ALDH1L1: variants seen among roughly 807,000 people sequenced by gnomAD.
The protein encoded by ALDH1L1 is aldehyde dehydrogenase 1 family member L1.
ALDH1L1 carries 68 observed loss-of-function variants against 101.1 expected under a neutral mutation model. That is an observed-to-expected ratio of 0.67 (90% confidence interval 0.55 to 0.82). The LOEUF (loss-of-function observed/expected upper bound fraction) is 0.82. Ranked by LOEUF, ALDH1L1 falls within the 40% of genes least tolerant of loss-of-function variation. The pLI is 0.00. For missense variants in ALDH1L1, 1,087 were observed against 1,172.7 expected (o/e 0.93, Z 1.07); for synonymous variants, 486 against 470.8 (o/e 1.03, Z -0.42).
chr3:126,118,549 C>T (rs998488898), intron 16 of ALDH1L1, among the ~76,000 whole-genome samples: 4 of 152,102 alleles, frequency 2.6e-5, no homozygotes, highest in African/African-American at 7.2e-5. Flanking sequence ...CTTCCAGCCT[C>T]CAGAACTGAG....
chr3:126,195,886 C>T (rs572190680), intron 1 of ALDH1L1, among the ~76,000 whole-genome samples: 1 of 152,246 alleles, frequency 6.6e-6, no homozygotes, highest in South Asian at 2.1e-4. Context: ...ACCGCACGTT[C>T]TCACTCATAG....
upstream of ALDH1L1, chr3:126,181,192 C>G (rs1203682685): frequency 1.6e-6 from 1 of 620,022 alleles, no homozygotes; most frequent in African/African-American, 1.8e-5. Context: ...GCAGACCCCT[C>G]CTCCTGGTTC....
intron 19 of ALDH1L1, among the ~76,000 whole-genome samples, chr3:126,111,974 A>C (rs759437221): frequency 5.9e-5 from 9 of 152,152 alleles, no homozygotes; most frequent in Non-Finnish European, 1.2e-4. Context: ...GGAAGGAGTC[A>C]TGTCCCACTC....
intron 1 of ALDH1L1, among the ~76,000 whole-genome samples, chr3:126,190,766 G>A (rs1404090425): frequency 1.3e-5 from 2 of 152,174 alleles, no homozygotes; most frequent in African/African-American, 2.4e-5. Flanking sequence ...TCATTTATTT[G>A]GAGTTCATTT....
intron 12 of ALDH1L1, 145 bp from the exon 13 acceptor site, chr3:126,131,679 C>T: frequency 2.2e-6 from 2 of 888,932 alleles, no homozygotes; most frequent in Non-Finnish European, 3.3e-6. Flanking sequence ...CGTTTCTGAT[C>T]CATGCAATGG....
chr3:126,168,157 T>C (rs929769697), intron 1 of ALDH1L1, among the ~76,000 whole-genome samples: 5 of 152,114 alleles, frequency 3.3e-5, no homozygotes, highest in Admixed American at 3.3e-4. Context: ...TGTAAAAACA[T>C]CATAAAAATT....
intron 20 of ALDH1L1, among the ~76,000 whole-genome samples, chr3:126,107,517 C>G (rs4646747): frequency 0.047 from 7,212 of 152,304 alleles, 256 homozygotes; most frequent in East Asian, 0.15. Flanking sequence ...AGACCTGATC[C>G]CAAGTCCATC....
Position 126,107,127 on chromosome 3 carries a change from G to C in ALDH1L1, c.2453+14C>G. 1 of 1,609,612 alleles carries C rather than the reference G, an allele frequency of 6.2e-7. No individual in the cohort carries two copies. The highest frequency in any genetic ancestry group is 8.5e-7 in the Non-Finnish European group (1 of 1,175,950). ...GAGAGTCAGGGCCCTTGAGACATCA[G>C]CAGGATTCCCTACCCATCAGCAAAC... On this transcript the variant is annotated intron_variant, in intron 21 of 22. Coordinates refer to ENST00000393434, the MANE Select transcript of ALDH1L1 (RefSeq NM_012190.4).
chr3:126,147,285 A>T lies in ALDH1L1; in HGVS notation c.985-359T>A, dbSNP rs2080713553. Among the ~76,000 whole-genome samples the T allele has an allele frequency of 2.6e-5, 4 of 151,902 alleles. No homozygotes were observed. The South Asian group carries it at 8.3e-4, about 32-fold the overall frequency. ...GGAAGGTGGGGCCCAGCTGCTCCTG[A>T]CCCCCACTCACCTTGGTGCTAGCGC... On this transcript the variant is annotated intron_variant, in intron 8 of 22. Coordinates refer to ENST00000393434, the MANE Select transcript of ALDH1L1 (RefSeq NM_012190.4).
upstream of ALDH1L1, among the ~76,000 whole-genome samples, chr3:126,184,803 G>C (rs1324640835): frequency 6.6e-6 from 1 of 152,222 alleles, no homozygotes; most frequent in Non-Finnish European, 1.5e-5. Context: ...CGCTGCAAAG[G>C]AAACATTAAC....
rs1212920012 is a variant in ALDH1L1 at position 126,117,991 on chromosome 3, C to T, written c.1982+14G>A. 1 of 1,609,688 alleles carries T rather than the reference C, an allele frequency of 6.2e-7. No homozygotes were observed. Among genetic ancestry groups the T allele is most frequent in the Non-Finnish European group, 8.5e-7 (1 of 1,177,956 alleles). The stretch of plus-strand genomic sequence containing the variant: ...CACAGCAGCCCCTCCTCTGCTCCAC[C>T]CCCAGCCACGCACCTTTTCATGATG... On this transcript the variant is annotated intron_variant, in intron 17 of 22. Transcript: ENST00000393434.
intron 12 of ALDH1L1, among the ~76,000 whole-genome samples, chr3:126,132,508 C>T (rs1208363289): frequency 6.6e-6 from 1 of 152,228 alleles, no homozygotes. Flanking sequence ...TGCCTCCCTC[C>T]TCCTCCTCAC....
At chr3:126,195,909 C>T (rs2081579283) in intron 1 of ALDH1L1, among the ~76,000 whole-genome samples, 1 of 151,906 alleles carries the variant, frequency 6.6e-6, no homozygotes, top group African/African-American at 2.4e-5. Flanking sequence ...GGGAACCGAA[C>T]AATGAGAACA....
At chr3:126,174,756 T>A (rs1428857161) in intron 1 of ALDH1L1, among the ~76,000 whole-genome samples, 1 of 151,974 alleles carries the variant, frequency 6.6e-6, no homozygotes, top group Non-Finnish European at 1.5e-5. Context: ...TAAAGTAGTG[T>A]TTAGAGGGAA....
At chr3:126,197,200 T>C (rs1321531348) in intron 1 of ALDH1L1, among the ~76,000 whole-genome samples, 1 of 152,234 alleles carries the variant, frequency 6.6e-6, no homozygotes, top group Non-Finnish European at 1.5e-5. Context: ...TGTACCACTG[T>C]AAGTTATCTT....
chr3:126,180,857 G>A (rs1227428236), upstream of ALDH1L1: 1 of 1,558,702 alleles, frequency 6.4e-7, no homozygotes, highest in Non-Finnish European at 8.7e-7. Flanking sequence ...CAGCAGGGCT[G>A]GCAGTTCTGA....
intron 12 of ALDH1L1, chr3:126,135,197 G>T (rs1412819577): frequency 8.7e-6 from 2 of 231,020 alleles, no homozygotes; most frequent in Non-Finnish European, 1.7e-5. Flanking sequence ...CTCCAGCCCA[G>T]GCTGGTGAGG....
At chr3:126,180,056 C>T (rs1255197939) in intron 1 of ALDH1L1, 1 of 152,258 alleles carries the variant, frequency 6.6e-6, no homozygotes. Context: ...GTCGAGGGGC[C>T]CAGGAAACAG....
intron 1 of ALDH1L1, among the ~76,000 whole-genome samples, chr3:126,192,208 A>T (rs2081556894): frequency 6.6e-6 from 1 of 152,176 alleles, no homozygotes; most frequent in Non-Finnish European, 1.5e-5. Context: ...CTCCTTGTGC[A>T]TCCTTGTCCC....
Sources: gnomAD v4.1 joint callset for allele counts (sites outside exome capture counted in the v4.1 genomes callset) on GRCh38, gnomAD v4.1.1 for gene constraint, MANE v1.5 for transcripts, NCBI Gene and HGNC (gene_info 2026-07-23, HGNC 2026-07-21) for gene names.